The following CDH12 variants were observed in gnomAD, a reference collection of about 807,000 sequenced individuals.
CDH12 encodes the protein cadherin-12.
A neutral mutation model predicts 74.1 loss-of-function variants in CDH12; 41 were observed. That is an observed-to-expected ratio of 0.55 (90% confidence interval 0.43 to 0.72). The LOEUF (loss-of-function observed/expected upper bound fraction) is 0.72, where lower values mean the gene tolerates loss of function less well. Among genes scored for constraint, CDH12 ranks in the 30% least tolerant of loss-of-function variants. CDH12 has a pLI of 0.00. For synonymous variants in CDH12, 399 were observed against 355.0 expected (o/e 1.12, Z -1.39); for missense variants, 945 against 977.2 (o/e 0.97, Z 0.44).
intron 1 of CDH12, among the ~76,000 whole-genome samples, chr5:22,749,494 G>A (rs561873304): frequency 1.3e-5 from 2 of 152,218 alleles, no homozygotes; most frequent in South Asian, 2.1e-4. Context: ...CTACAAGAAC[G>A]GGATCATAAA....
chr5:22,438,999 A>G (rs1231915753), intron 2 of CDH12, among the ~76,000 whole-genome samples: 1 of 151,892 alleles, frequency 6.6e-6, no homozygotes, highest in African/African-American at 2.4e-5. Context: ...CTTCATTTTG[A>G]TAGGAAGATT....
intron 5 of CDH12, among the ~76,000 whole-genome samples, chr5:22,023,643 T>C (rs911238973): frequency 6.6e-6 from 1 of 151,958 alleles, no homozygotes; most frequent in Non-Finnish European, 1.5e-5. Flanking sequence ...AAACACTTAT[T>C]ACACAAGAAG....
intron 1 of CDH12, among the ~76,000 whole-genome samples, chr5:22,788,509 TC>T (rs1747753570): frequency 6.7e-6 from 1 of 149,590 alleles, no homozygotes. Flanking sequence ...TTCCAATAAT[TC>T]TTTATAATAT....
At chr5:22,029,943 A>G in intron 5 of CDH12, among the ~76,000 whole-genome samples, 1 of 151,970 alleles carries the variant, frequency 6.6e-6, no homozygotes, top group East Asian at 1.9e-4. Flanking sequence ...ATAAAAAAGG[A>G]TGAGTTCATG....
chr5:22,474,387 T>C (rs1183838025), intron 2 of CDH12, among the ~76,000 whole-genome samples: 2 of 152,132 alleles, frequency 1.3e-5, no homozygotes, highest in Non-Finnish European at 2.9e-5. Flanking sequence ...TAGACCACAG[T>C]GAATGATTCT....
intron 3 of CDH12, among the ~76,000 whole-genome samples, chr5:22,286,062 G>T (rs1169493639): frequency 2.6e-5 from 4 of 151,952 alleles, no homozygotes; most frequent in Admixed American, 2.6e-4. Context: ...AATACTCTTA[G>T]TTTGAGTTTT....
chr5:22,103,852 T>C (rs1401335550), intron 4 of CDH12, among the ~76,000 whole-genome samples: 4 of 152,212 alleles, frequency 2.6e-5, no homozygotes, highest in African/African-American at 9.6e-5. Flanking sequence ...CAGAGAAGCA[T>C]ATGAAATAAT....
intron 3 of CDH12, among the ~76,000 whole-genome samples, chr5:22,319,414 C>T (rs1738767385): frequency 6.6e-6 from 1 of 152,144 alleles, no homozygotes; most frequent in Admixed American, 6.6e-5. Context: ...GAATAAAAGG[C>T]AACGCAGTTT....
At chr5:22,137,392 T>C (rs898170105) in intron 4 of CDH12, among the ~76,000 whole-genome samples, 6 of 152,054 alleles carry the variant, frequency 3.9e-5, no homozygotes, top group African/African-American at 1.4e-4. Flanking sequence ...TCTTTTGGGA[T>C]TGATAGTCTC....
intron 3 of CDH12, among the ~76,000 whole-genome samples, chr5:22,325,839 C>T (rs6452080): frequency 0.43 from 65,816 of 151,792 alleles, 14,290 homozygotes; most frequent in South Asian, 0.5. Flanking sequence ...ACCCGGGAGG[C>T]GGAGCTTGCA....
At chr5:22,615,707 A>C (rs1007258925) in intron 1 of CDH12, among the ~76,000 whole-genome samples, 12 of 152,186 alleles carry the variant, frequency 7.9e-5, no homozygotes, top group African/African-American at 2.7e-4. Context: ...TATTCTAAAA[A>C]TTTGTAAATG....
intron 6 of CDH12, among the ~76,000 whole-genome samples, chr5:21,879,098 A>G (rs893569715): frequency 2.0e-5 from 3 of 152,154 alleles, no homozygotes; most frequent in African/African-American, 7.2e-5. Flanking sequence ...TTTACTTCAC[A>G]TGGTTCTCTC....
intron 4 of CDH12, among the ~76,000 whole-genome samples, chr5:22,101,936 C>T (rs1561112059): frequency 1.3e-5 from 2 of 152,064 alleles, no homozygotes; most frequent in Admixed American, 1.3e-4. Context: ...GAAGTCATAA[C>T]CAATATGTAA....
chr5:21,846,199 C>T (rs1305439824), intron 7 of CDH12, among the ~76,000 whole-genome samples: 1 of 152,172 alleles, frequency 6.6e-6, no homozygotes, highest in Non-Finnish European at 1.5e-5. Flanking sequence ...GCAAACAGTA[C>T]ACCTGGTCTG....
rs886650609 is a variant in CDH12, at chr5:22,755,956, A to G, written c.-523+97102T>C. ...AAATTTTACATACTTTGCTTTTATT[A>G]TAATTTTATTTATTGACCTGGACTG... On this transcript the variant is annotated intron_variant, in intron 1 of 14. Transcript: ENST00000382254. 2.6e-5 allele frequency among the ~76,000 whole-genome samples: 4 copies of G among 152,016 alleles called. No homozygotes were observed. The East Asian group carries it at 7.7e-4, about 29-fold the overall frequency.
intron 10 of CDH12, among the ~76,000 whole-genome samples, chr5:21,792,224 T>A (rs1199118165): frequency 6.6e-6 from 1 of 151,936 alleles, no homozygotes; most frequent in East Asian, 1.9e-4. Flanking sequence ...AATTTCTCCA[T>A]CAGCAATCAC....
At chr5:22,376,159 T>C (rs918581284) in intron 3 of CDH12, among the ~76,000 whole-genome samples, 3 of 152,172 alleles carry the variant, frequency 2.0e-5, no homozygotes, top group Non-Finnish European at 4.4e-5. Flanking sequence ...GCAGCATGGA[T>C]GGAACCAGAG....
At chr5:22,450,005 C>A (rs1744979260) in intron 2 of CDH12, among the ~76,000 whole-genome samples, 1 of 151,918 alleles carries the variant, frequency 6.6e-6, no homozygotes, top group Non-Finnish European at 1.5e-5. Context: ...AATAAAATTA[C>A]AATACTAATT....
At chr5:22,044,754 T>C (rs113481792) in intron 5 of CDH12, among the ~76,000 whole-genome samples, 21 of 152,330 alleles carry the variant, frequency 1.4e-4, no homozygotes, top group Admixed American at 3.9e-4. Context: ...ATTTGGATAT[T>C]CACATGCAGA....
Sources: gnomAD v4.1 joint callset for allele counts (sites outside exome capture counted in the v4.1 genomes callset) on GRCh38, gnomAD v4.1.1 for gene constraint, MANE v1.5 for transcripts, NCBI Gene and HGNC (gene_info 2026-07-23, HGNC 2026-07-21) for gene names.